PCED1B: variants seen among roughly 807,000 people sequenced by gnomAD.
PCED1B encodes PC-esterase domain-containing protein 1B.
For missense variants in PCED1B, 573 were observed against 573.9 expected, an observed-to-expected ratio of 1.00 and a Z score of 0.02; for synonymous variants, 251 against 246.1, an observed-to-expected ratio of 1.02 and a Z score of -0.19.
chr12:47,153,725 T>G (rs1941089656), intron 2 of PCED1B, among the ~76,000 whole-genome samples: 1 of 152,238 alleles, frequency 6.6e-6, no homozygotes, highest in Non-Finnish European at 1.5e-5. Flanking sequence ...ATAATCAGTT[T>G]TATTCTATTC....
At chr12:47,222,766 G>A (rs541294484) in intron 3 of PCED1B, among the ~76,000 whole-genome samples, 79 of 85,728 alleles carry the variant, frequency 9.2e-4, no homozygotes, top group African/African-American at 5.2e-3. Context: ...AGTAAGCAGT[G>A]GAGCAGGATC....
intron 3 of PCED1B, among the ~76,000 whole-genome samples, chr12:47,217,472 G>A (rs11183806): frequency 0.1 from 5,147 of 49,278 alleles, 490 homozygotes; most frequent in African/African-American, 0.33. Context: ...GAAAGAAAGA[G>A]AAAGAAAGAA....
intron 2 of PCED1B, among the ~76,000 whole-genome samples, chr12:47,183,422 G>A (rs1366280579): frequency 2.6e-5 from 4 of 152,140 alleles, no homozygotes; most frequent in Non-Finnish European, 5.9e-5. Context: ...CCTAACATGT[G>A]CTCTGTGGGA....
At chr12:47,115,472 C>T (rs567708693) in intron 2 of PCED1B, among the ~76,000 whole-genome samples, 1 of 152,188 alleles carries the variant, frequency 6.6e-6, no homozygotes, top group East Asian at 1.9e-4. Flanking sequence ...TGAGGTACAA[C>T]CAGAAACTGC....
At chr12:47,230,086 C>CT (rs368243759) in intron 3 of PCED1B, among the ~76,000 whole-genome samples, 35,976 of 114,790 alleles carry the variant, frequency 0.31, 6,316 homozygotes, top group East Asian at 0.49. Context: ...TAATCATTTT[C>CT]TTTTTTTTTT....
chr12:47,226,548 T>A (rs1225861604), intron 3 of PCED1B, among the ~76,000 whole-genome samples: 2 of 152,224 alleles, frequency 1.3e-5, no homozygotes, highest in African/African-American at 4.8e-5. Flanking sequence ...TAATTTTTTA[T>A]ATTTTTGGTA....
chr12:47,203,791 A>G (rs533086097), intron 2 of PCED1B, among the ~76,000 whole-genome samples: 2 of 152,282 alleles, frequency 1.3e-5, no homozygotes, highest in East Asian at 3.9e-4. Context: ...ATGTGTCTTT[A>G]TAACAAAATG....
chr12:47,165,069 G>A (rs1010045699), intron 2 of PCED1B, among the ~76,000 whole-genome samples: 1 of 152,182 alleles, frequency 6.6e-6, no homozygotes, highest in African/African-American at 2.4e-5. Flanking sequence ...TACTGCTTGA[G>A]AGTTTTACCC....
intron 1 of PCED1B, among the ~76,000 whole-genome samples, chr12:47,096,086 A>G (rs1938474703): frequency 6.6e-6 from 1 of 151,958 alleles, no homozygotes; most frequent in Admixed American, 6.6e-5. Context: ...CCACATCCTC[A>G]TCTCGGGGAG....
chr12:47,094,816 G>T (rs1214792712), intron 1 of PCED1B, among the ~76,000 whole-genome samples: 1 of 150,652 alleles, frequency 6.6e-6, no homozygotes, highest in Non-Finnish European at 1.5e-5. Context: ...AAATATCCAT[G>T]TTTACCCTCA....
rs959848283 is a variant in PCED1B, at chr12:47,093,036, T to C, written c.-608-11077T>C. 2.6e-5 allele frequency among the ~76,000 whole-genome samples: 4 copies of C among 152,034 alleles called. No homozygotes were observed. The South Asian group carries it at 6.2e-4, about 24-fold the overall frequency. ...GTCTGGAAAGCTCACCTTCTCTTTC[T>C]GTGTTCTGGAAGAATTATACAAGAC... On this transcript the variant is annotated intron_variant, in intron 1 of 3. Coordinates refer to ENST00000546455, the MANE Select transcript of PCED1B (RefSeq NM_138371.3).
intron 2 of PCED1B, among the ~76,000 whole-genome samples, chr12:47,137,861 T>C (rs1940446300): frequency 6.6e-6 from 1 of 152,100 alleles, no homozygotes; most frequent in African/African-American, 2.4e-5. Flanking sequence ...CTTCCAGAGA[T>C]GTTTACATTG....
At chr12:47,091,227 C>T (rs1051003273) in intron 1 of PCED1B, among the ~76,000 whole-genome samples, 10 of 152,060 alleles carry the variant, frequency 6.6e-5, no homozygotes, top group African/African-American at 2.4e-4. Context: ...TTCATCTTAG[C>T]CATTTTCGTG....
chr12:47,214,240 T>A (rs1162355860), intron 2 of PCED1B, among the ~76,000 whole-genome samples: 1 of 152,194 alleles, frequency 6.6e-6, no homozygotes, highest in East Asian at 1.9e-4. Context: ...GGAATTAATT[T>A]TAAGCCACAC....
At chr12:47,101,643 A>C (rs1222629057) in intron 1 of PCED1B, among the ~76,000 whole-genome samples, 3 of 152,072 alleles carry the variant, frequency 2.0e-5, no homozygotes, top group African/African-American at 7.2e-5. Flanking sequence ...CAGGGAAAAA[A>C]CTGAATTAAA....
intron 2 of PCED1B, among the ~76,000 whole-genome samples, chr12:47,190,849 G>A (rs1251080414): frequency 1.3e-5 from 2 of 152,164 alleles, no homozygotes; most frequent in African/African-American, 4.8e-5. Context: ...ACATAACTGG[G>A]GGGCTTTTAC....
chr12:47,171,083 T>TC (rs1319200392), intron 2 of PCED1B, among the ~76,000 whole-genome samples: 1 of 151,328 alleles, frequency 6.6e-6, no homozygotes, highest in Non-Finnish European at 1.5e-5. Context: ...TTTTTTTTTT[T>TC]TGAGACGGAG....
At chr12:47,172,411 C>T (rs1459532883) in intron 2 of PCED1B, among the ~76,000 whole-genome samples, 6 of 143,246 alleles carry the variant, frequency 4.2e-5, no homozygotes, top group Non-Finnish European at 7.5e-5. Context: ...AGAGGCTGCA[C>T]TGAGCCGAGA....
chr12:47,129,590 T>TA (rs147124501), intron 2 of PCED1B, among the ~76,000 whole-genome samples: 3 of 151,036 alleles, frequency 2.0e-5, no homozygotes, highest in South Asian at 2.1e-4. Context: ...CCTAGCCAAT[T>TA]AAAAAAAAAA....
Sources: allele counts gnomAD v4.1 joint callset (sites outside exome capture counted in the v4.1 genomes callset), GRCh38; gene constraint gnomAD v4.1.1; transcripts MANE v1.5; gene names NCBI Gene and HGNC (gene_info 2026-07-23, HGNC 2026-07-21).